The following MYBPC1 variants were observed in gnomAD, a reference collection of about 807,000 sequenced individuals.
The protein encoded by MYBPC1 is myosin-binding protein C, slow-type.
MYBPC1 carries 52 observed loss-of-function variants against 147.1 expected under a neutral mutation model. The observed-to-expected ratio is 0.35, with a 90% confidence interval of 0.28 to 0.45. The LOEUF (loss-of-function observed/expected upper bound fraction) is 0.45, where lower values mean the gene tolerates loss of function less well. MYBPC1 is among the 20% of genes least tolerant of loss of function. The probability of loss-of-function intolerance (pLI) is 1.00; values close to 1 mark genes in which losing one functional copy is unlikely to be tolerated. For missense variants in MYBPC1, 1,228 were observed against 1,440.3 expected (o/e 0.85, Z 2.39); for synonymous variants, 477 against 475.9 (o/e 1.00, Z -0.03).
chr12:101,651,256 T>A lies in MYBPC1; in HGVS notation c.1389T>A (p.Pro463=). 1 of 1,614,078 alleles carries A rather than the reference T, an allele frequency of 6.2e-7. No homozygotes were observed. The change falls in exon 16 of 32, where the codon CCT becomes CCA. Residue 463 remains proline (P), a synonymous_variant. Coordinates refer to ENST00000361466, the MANE Select transcript of MYBPC1 (RefSeq NM_002465.4). The part of the protein sequence containing the change: ...VDLKPLKILT[P]LTDQTVNLGK... ...TGAAACCTCTGAAGATTTTGACACC[T>A]CTGACTGATCAGACTGTAAATCTTG...
intron 12 of MYBPC1, 66 bp downstream of exon 12, chr12:101,644,862 A>G (rs1222747349): frequency 5.5e-6 from 8 of 1,443,240 alleles, no homozygotes; most frequent in Non-Finnish European, 7.7e-6. Context: ...AGTTCGACTG[A>G]CTTTTCTGAG....
At chr12:101,614,359 G>C in intron 1 of MYBPC1, 137 bp from the exon 2 acceptor site, 1 of 838,688 alleles carries the variant, frequency 1.2e-6, no homozygotes, top group Non-Finnish European at 2.0e-6. Flanking sequence ...GAGAGAATGT[G>C]TTTCCCTCCT....
intron 3 of MYBPC1, among the ~76,000 whole-genome samples, chr12:101,620,045 T>TTTGCTTGC (rs1026059658): frequency 6.6e-6 from 1 of 152,194 alleles, no homozygotes; most frequent in Non-Finnish European, 1.5e-5. Context: ...TTTATGATTG[T>TTTGCTTGC]TTGCTTGCTT....
At chr12:101,637,949 T>C (rs1413783769) in intron 10 of MYBPC1, among the ~76,000 whole-genome samples, 1 of 152,302 alleles carries the variant, frequency 6.6e-6, no homozygotes, top group African/African-American at 2.4e-5. Flanking sequence ...AAAGCAATAG[T>C]ATATGAAGTG....
chr12:101,611,339 G>A (rs1367956842), intron 1 of MYBPC1, among the ~76,000 whole-genome samples: 2 of 152,210 alleles, frequency 1.3e-5, no homozygotes, highest in East Asian at 3.8e-4. Flanking sequence ...GCCCATGGGG[G>A]CTACAGACAA....
chr12:101,615,791 A>G (rs1358080861), intron 2 of MYBPC1, among the ~76,000 whole-genome samples: 1 of 151,472 alleles, frequency 6.6e-6, no homozygotes, highest in Non-Finnish European at 1.5e-5. Context: ...GAGTTTGGAG[A>G]AGGTCTCAGT....
intron 23 of MYBPC1, among the ~76,000 whole-genome samples, chr12:101,668,575 C>T (rs57157100): frequency 0.041 from 6,280 of 152,150 alleles, 337 homozygotes; most frequent in East Asian, 0.25. Context: ...ATTCTTCTGC[C>T]TCAGCCTCCC....
At position 101,632,427 on chromosome 12, in the gene MYBPC1, A is replaced by C. The variant is rs74491366; in HGVS notation, c.556+289A>C. On this transcript the variant is annotated intron_variant, in intron 8 of 31. Coordinates refer to ENST00000361466, the MANE Select transcript of MYBPC1 (RefSeq NM_002465.4). ...GTCAGTTTTTGCTGCTACAGAATGT[A>C]TGTTTCAAGGGGTCCACTTTCCCAC... 1.9e-4 allele frequency among the ~76,000 whole-genome samples: 29 copies of C among 152,326 alleles called. 1 individual carries two copies. The East Asian group carries it at 5.6e-3, about 29-fold the overall frequency.
rs115225442 is a variant in MYBPC1, at chr12:101,620,436, G to A, written c.103+3193G>A. Among the ~76,000 whole-genome samples, 702 of 152,340 alleles carry A rather than the reference G, an allele frequency of 4.6e-3. 8 individuals carry two copies. Among genetic ancestry groups the A allele is most frequent in the African/African-American group, 0.016 (649 of 41,578 alleles). On this transcript the variant is annotated intron_variant, in intron 3 of 31. Coordinates refer to ENST00000361466, the MANE Select transcript of MYBPC1 (RefSeq NM_002465.4). ...GGCTACATGCCAGGCACAGATCTGG[G>A]CACTGGGTCCTGCCCTCCTGGAGCC...
rs825057 is a variant in MYBPC1 at position 101,646,449 on chromosome 12, A to G, written c.966-314A>G. On this transcript the variant is annotated intron_variant, in intron 12 of 31. Transcript: ENST00000361466. ...GCTTGAACCGAGGAGTCTGAGACAA[A>G]CCTGGGCAAGATGGTGAGACTCAGT... 0.62 allele frequency among the ~76,000 whole-genome samples: 93,928 copies of G among 152,036 alleles called. 30,136 individuals carry two copies. Among genetic ancestry groups the G allele is most frequent in the African/African-American group, 0.79 (32,803 of 41,508 alleles).
downstream of MYBPC1, among the ~76,000 whole-genome samples, chr12:101,687,425 A>C (rs1397323878): frequency 6.6e-6 from 1 of 152,146 alleles, no homozygotes; most frequent in African/African-American, 2.4e-5. Flanking sequence ...ATGGCTGCAT[A>C]GTATTCCATG....
chr12:101,657,357 T>C (rs1052856771), intron 18 of MYBPC1, among the ~76,000 whole-genome samples: 2 of 152,042 alleles, frequency 1.3e-5, no homozygotes, highest in African/African-American at 4.8e-5. Context: ...ATGATACAAA[T>C]TAGTGCAGAA....
intron 3 of MYBPC1, among the ~76,000 whole-genome samples, chr12:101,623,402 A>G (rs1887883012): frequency 1.3e-5 from 2 of 152,214 alleles, no homozygotes; most frequent in African/African-American, 2.4e-5. Flanking sequence ...ACAAACCATC[A>G]CATGTACCCC....
intron 9 of MYBPC1, among the ~76,000 whole-genome samples, chr12:101,634,854 C>A (rs1400984154): frequency 6.6e-6 from 1 of 152,156 alleles, no homozygotes; most frequent in Non-Finnish European, 1.5e-5. Flanking sequence ...TTCACAGTTG[C>A]CTTAGAAAGA....
chr12:101,646,703 T>C (rs1304116210), intron 12 of MYBPC1, 60 bp from the exon 13 acceptor site: 60 of 1,590,178 alleles, frequency 3.8e-5, no homozygotes, highest in Non-Finnish European at 5.1e-5. Flanking sequence ...TTGCTGGCAA[T>C]AAAGAAAAGA....
At chr12:101,610,277 G>A (rs536235306) in intron 1 of MYBPC1, among the ~76,000 whole-genome samples, 136 of 152,236 alleles carry the variant, frequency 8.9e-4, no homozygotes, top group African/African-American at 2.5e-3. Flanking sequence ...TAATTGAATC[G>A]TTGATTGATC....
intron 29 of MYBPC1, among the ~76,000 whole-genome samples, chr12:101,681,572 ATATATATATATATATATATATTTTTTT>A (rs1229516938): frequency 0.012 from 229 of 18,594 alleles, 1 homozygote; most frequent in African/African-American, 0.059. Flanking sequence ...ATATATATAT[ATATATATATATATATATATATTTTTTT>A]TTTTTTTTTT....
chr12:101,672,892 G>GA, intron 24 of MYBPC1, among the ~76,000 whole-genome samples: 1 of 152,056 alleles, frequency 6.6e-6, no homozygotes, highest in Non-Finnish European at 1.5e-5. Flanking sequence ...CTTATGTATT[G>GA]GGCAGAAGCT....
intron 20 of MYBPC1, 144 bp from the exon 21 acceptor site, chr12:101,662,214 T>C (rs1317353574): frequency 9.0e-6 from 6 of 669,054 alleles, no homozygotes; most frequent in Non-Finnish European, 1.5e-5. Flanking sequence ...TGGAATAAGA[T>C]AGGTTAAAAA....
Sources: allele counts gnomAD v4.1 joint callset (sites outside exome capture counted in the v4.1 genomes callset), GRCh38; gene constraint gnomAD v4.1.1; transcripts MANE v1.5; gene names NCBI Gene and HGNC (gene_info 2026-07-23, HGNC 2026-07-21).